The following CRADD variants were observed in gnomAD, a reference collection of about 807,000 sequenced individuals.
CRADD encodes death domain-containing protein CRADD.
In CRADD, 9 loss-of-function variants were observed where a neutral mutation model predicts 15.5. The ratio of observed to expected loss-of-function variants is 0.58; its 90% CI spans 0.35 to 1.01. The LOEUF (loss-of-function observed/expected upper bound fraction) is 1.01. Ranked by LOEUF, CRADD falls within the 50% of genes least tolerant of loss-of-function variation. CRADD has a pLI of 0.02. For missense variants in CRADD, 227 were observed against 250.3 expected (o/e 0.91, Z 0.63); for synonymous variants, 118 against 107.6 (o/e 1.10, Z -0.60).
intron 2 of CRADD, among the ~76,000 whole-genome samples, chr12:93,778,617 G>C (rs984212963): frequency 1.3e-5 from 2 of 151,864 alleles, no homozygotes; most frequent in Non-Finnish European, 2.9e-5. Flanking sequence ...AGAATAAAAT[G>C]TTGACAGGTT....
intron 2 of CRADD, among the ~76,000 whole-genome samples, chr12:93,810,518 T>G (rs897785241): frequency 8.8e-6 from 1 of 113,040 alleles, no homozygotes; most frequent in African/African-American, 3.4e-5. Flanking sequence ...ACCATTGCAC[T>G]CCAGCCTGGG....
intron 2 of CRADD, among the ~76,000 whole-genome samples, chr12:93,724,807 C>T (rs1956324621): frequency 6.6e-6 from 1 of 151,894 alleles, no homozygotes; most frequent in Non-Finnish European, 1.5e-5. Context: ...GAATTTTGAG[C>T]AGAAGATTGT....
At chr12:93,845,630 C>G (rs1958105528) in intron 2 of CRADD, among the ~76,000 whole-genome samples, 1 of 151,620 alleles carries the variant, frequency 6.6e-6, no homozygotes, top group Admixed American at 6.6e-5. Flanking sequence ...AACATACAAC[C>G]AATCTGGTCT....
At chr12:93,719,956 CT>C (rs532440733) in intron 2 of CRADD, among the ~76,000 whole-genome samples, 2 of 151,654 alleles carry the variant, frequency 1.3e-5, no homozygotes, top group Admixed American at 6.6e-5. Context: ...AATTTTTATA[CT>C]TTTTTTTGCT....
chr12:93,719,884 A>G (rs944101812), intron 2 of CRADD, among the ~76,000 whole-genome samples: 11 of 152,108 alleles, frequency 7.2e-5, no homozygotes, highest in African/African-American at 2.7e-4. Flanking sequence ...TCAAAGAGCA[A>G]ACATTGCTTT....
intron 2 of CRADD, among the ~76,000 whole-genome samples, chr12:93,682,992 T>G (rs1458489747): frequency 2.6e-5 from 4 of 152,346 alleles, no homozygotes; most frequent in Non-Finnish European, 1.5e-5. Context: ...GGTCACATAC[T>G]AGACATTAGA....
rs73363146 is a variant in CRADD, at chr12:93,784,247, G to A, written c.299-65723G>A. ...TTTTACTCACACTCAGGGCATGTCA[G>A]TGAGGGCATCAAAAATGGAAAAATA... On this transcript the variant is annotated intron_variant, in intron 2 of 2. Transcript: ENST00000332896. Among the ~76,000 whole-genome samples the A allele has an allele frequency of 3.2e-3, 487 of 152,264 alleles. 5 individuals are homozygous for A. The highest frequency in any genetic ancestry group is 0.01 in the African/African-American group (422 of 41,558).
chr12:93,806,323 A>G (rs1398829873), intron 2 of CRADD, among the ~76,000 whole-genome samples: 8 of 151,784 alleles, frequency 5.3e-5, no homozygotes, highest in Non-Finnish European at 7.4e-5. Flanking sequence ...TTGGTGGCGC[A>G]TGCCTGTAGT....
chr12:93,775,851 C>A (rs192068864), intron 2 of CRADD, among the ~76,000 whole-genome samples: 3 of 152,288 alleles, frequency 2.0e-5, no homozygotes, highest in Admixed American at 2.0e-4. Context: ...CCCTTCCCAG[C>A]TGATTCACAG....
intron 2 of CRADD, among the ~76,000 whole-genome samples, chr12:93,768,561 G>A: frequency 6.6e-6 from 1 of 151,436 alleles, no homozygotes; most frequent in Non-Finnish European, 1.5e-5. Flanking sequence ...GATCCTAAAT[G>A]TGTTAGATAA....
At chr12:93,703,518 A>C (rs928972987) in intron 2 of CRADD, among the ~76,000 whole-genome samples, 1 of 150,746 alleles carries the variant, frequency 6.6e-6, no homozygotes, top group Non-Finnish European at 1.5e-5. Context: ...ATGCCACCAC[A>C]CCTGGCTAAT....
intron 2 of CRADD, among the ~76,000 whole-genome samples, chr12:93,779,764 A>G (rs1320493868): frequency 1.3e-5 from 2 of 151,796 alleles, no homozygotes; most frequent in African/African-American, 4.8e-5. Flanking sequence ...TAATTTTTGT[A>G]TTTTTTGGTA....
chr12:93,793,847 C>T (rs1957379923), intron 2 of CRADD, among the ~76,000 whole-genome samples: 1 of 152,138 alleles, frequency 6.6e-6, no homozygotes, highest in South Asian at 2.1e-4. Flanking sequence ...TGACTACTAT[C>T]CTACCTACTT....
downstream of CRADD, among the ~76,000 whole-genome samples, chr12:93,851,919 T>C (rs998439716): frequency 6.6e-6 from 1 of 152,246 alleles, no homozygotes; most frequent in African/African-American, 2.4e-5. Flanking sequence ...GATAACATCC[T>C]TTCAGGCATC....
intron 2 of CRADD, among the ~76,000 whole-genome samples, chr12:93,874,271 T>G (rs1045869210): frequency 6.6e-6 from 1 of 152,136 alleles, no homozygotes; most frequent in Non-Finnish European, 1.5e-5. Context: ...TTTGAAATTC[T>G]GTTGTATCAG....
chr12:93,680,441 A>G (rs1001235876), intron 2 of CRADD, among the ~76,000 whole-genome samples: 1 of 152,272 alleles, frequency 6.6e-6, no homozygotes, highest in Non-Finnish European at 1.5e-5. Context: ...TCAGCATGAC[A>G]TAGCCAGCTA....
chr12:93,770,096 CTTTT>C (rs34791279), intron 2 of CRADD, among the ~76,000 whole-genome samples: 4 of 129,984 alleles, frequency 3.1e-5, no homozygotes, highest in African/African-American at 1.1e-4. Context: ...CCTATGTTAT[CTTTT>C]TTTTTTTTTT....
intron 2 of CRADD, among the ~76,000 whole-genome samples, chr12:93,806,459 A>G (rs1957539144): frequency 6.8e-6 from 1 of 147,812 alleles, no homozygotes; most frequent in Non-Finnish European, 1.5e-5. Flanking sequence ...CTCAAAAAAA[A>G]AAAAAAAAAA....
At chr12:93,789,070 T>C (rs964684250) in intron 2 of CRADD, among the ~76,000 whole-genome samples, 7 of 151,964 alleles carry the variant, frequency 4.6e-5, no homozygotes, top group Non-Finnish European at 1.0e-4. Flanking sequence ...GGGGTGGTGG[T>C]TCCTTTTTTT....
Sources: gnomAD v4.1 joint callset for allele counts (sites outside exome capture counted in the v4.1 genomes callset) on GRCh38, gnomAD v4.1.1 for gene constraint, MANE v1.5 for transcripts, NCBI Gene and HGNC (gene_info 2026-07-23, HGNC 2026-07-21) for gene names.